NIN: variants seen among roughly 807,000 people sequenced by gnomAD.
The protein encoded by NIN is ninein, also known as glycogen synthase kinase 3 beta-interacting protein.
In NIN, 137 loss-of-function variants were observed where a neutral mutation model predicts 257.6. The ratio of observed to expected loss-of-function variants is 0.53; its 90% confidence interval spans 0.46 to 0.61. The LOEUF is 0.61. NIN is among the 20% of genes least tolerant of loss of function. The probability of loss-of-function intolerance (pLI) is 0.00; values close to 1 mark genes in which losing one functional copy is unlikely to be tolerated. For synonymous variants in NIN, 918 were observed against 919.8 expected (o/e 1.00, Z 0.04); for missense variants, 2,439 against 2,501.2 (o/e 0.98, Z 0.53).
At position 50,731,913 on chromosome 14, in the gene NIN, G is replaced by A. The variant is rs575688728; in HGVS notation, c.5878-2190C>T. Among the ~76,000 whole-genome samples the A allele has an allele frequency of 5.9e-5, 9 of 152,342 alleles. No individual in the cohort carries two copies. In the South Asian group the frequency reaches 1.9e-3, roughly 32 times the overall value. ...TTGCCACTTGGAGACGCAGAATGCAGTATAAACTATAAGCCATTTTGTTGT... is the reference window on the plus strand; with the variant it reads ...TTGCCACTTGGAGACGCAGAATGCAATATAAACTATAAGCCATTTTGTTGT... On this transcript the variant is annotated intron_variant, in intron 28 of 30. Coordinates refer to ENST00000530997, the MANE Select transcript of NIN (RefSeq NM_020921.4).
At chr14:50,770,583 C>G (rs748846142) in intron 11 of NIN, 21 bp from the exon 12 acceptor site, 2 of 1,611,346 alleles carry the variant, frequency 1.2e-6, no homozygotes, top group East Asian at 4.5e-5. Context: ...GAAAAATGGA[C>G]AAGCTGCCAT....
chr14:50,747,733 T>C (rs984959284), intron 22 of NIN, among the ~76,000 whole-genome samples: 1 of 123,404 alleles, frequency 8.1e-6, no homozygotes, highest in Non-Finnish European at 1.7e-5. Context: ...AGAAGGAAAC[T>C]GTCTTAAAAA....
At chr14:50,737,991 G>T in intron 27 of NIN, 149 bp downstream of exon 27, 1 of 780,104 alleles carries the variant, frequency 1.3e-6, no homozygotes, top group Non-Finnish European at 2.0e-6. Context: ...GAACCACGAT[G>T]CTATTTTGAC....
intron 21 of NIN, 24 bp downstream of exon 21, chr14:50,752,494 C>G: frequency 6.5e-7 from 1 of 1,545,232 alleles, no homozygotes; most frequent in Non-Finnish European, 8.8e-7. Flanking sequence ...TCAAAAAAAG[C>G]TGTCAGGTGG....
chr14:50,741,209 TGTTTTA>T (rs1367724769), intron 25 of NIN, among the ~76,000 whole-genome samples: 1 of 152,236 alleles, frequency 6.6e-6, no homozygotes, highest in Non-Finnish European at 1.5e-5. Flanking sequence ...TTTAAGAAAA[TGTTTTA>T]GTTTTGTTAT....
At chr14:50,818,721 G>T (rs1260378155) in intron 3 of NIN, among the ~76,000 whole-genome samples, 1 of 152,074 alleles carries the variant, frequency 6.6e-6, no homozygotes, top group African/African-American at 2.4e-5. Context: ...CAAGCTTTAC[G>T]CATTTCAAAC....
Position 50,761,847 on chromosome 14 carries a change from C to T in NIN, c.1839G>A (p.Gln613=). ...TGTCCCTGTGATGTTGTTCTTTCAT[C>T]TGTTCAATGACCAGCTCTGCCTCAA... ...MSIEAELVIE[Q]MKEQHHRDIC... The change falls in exon 16 of 31, where the codon CAG becomes CAA. Residue 613 remains glutamine, a synonymous_variant. Transcript: ENST00000530997. 2 of 1,614,194 alleles carry T rather than the reference C, an allele frequency of 1.2e-6. No individual in the cohort carries two copies. The highest frequency in any genetic ancestry group is 1.7e-6 in the Non-Finnish European group (2 of 1,180,008).
intron 2 of NIN, among the ~76,000 whole-genome samples, chr14:50,827,170 C>CT (rs1303568681): frequency 1.3e-5 from 2 of 152,204 alleles, no homozygotes; most frequent in African/African-American, 4.8e-5. Flanking sequence ...TATTGGACTA[C>CT]TTTCAGTATA....
intron 3 of NIN, among the ~76,000 whole-genome samples, chr14:50,811,356 G>A (rs373938832): frequency 1.8e-4 from 28 of 151,604 alleles, no homozygotes; most frequent in East Asian, 1.6e-3. Context: ...TGAGCCACCC[G>A]TCACGGCCTC....
At chr14:50,811,054 A>G (rs1236508916) in intron 3 of NIN, among the ~76,000 whole-genome samples, 1 of 151,994 alleles carries the variant, frequency 6.6e-6, no homozygotes, top group East Asian at 1.9e-4. Flanking sequence ...GTGTTGGGGC[A>G]TGTATCCATG....
intron 3 of NIN, among the ~76,000 whole-genome samples, chr14:50,811,790 C>T (rs142293484): frequency 2.6e-5 from 4 of 151,814 alleles, no homozygotes; most frequent in Non-Finnish European, 5.9e-5. Context: ...GTCAGGAGAT[C>T]GAGACCATCC....
intron 28 of NIN, 113 bp from the exon 29 acceptor site, chr14:50,729,836 C>T: frequency 2.6e-6 from 2 of 759,214 alleles, no homozygotes; most frequent in Non-Finnish European, 4.0e-6. Context: ...TAACCCCAGA[C>T]CCACTGAAAC....
At chr14:50,802,113 G>T (rs528135225) in intron 4 of NIN, among the ~76,000 whole-genome samples, 1 of 152,222 alleles carries the variant, frequency 6.6e-6, no homozygotes, top group Admixed American at 6.5e-5. Flanking sequence ...TAATTAAGTT[G>T]TTGCCCCTCT....
intron 3 of NIN, among the ~76,000 whole-genome samples, chr14:50,818,855 A>C (rs1219611960): frequency 6.6e-6 from 1 of 151,770 alleles, no homozygotes; most frequent in Non-Finnish European, 1.5e-5. Flanking sequence ...TGGCAAGTTG[A>C]TTTAAGTTAC....
intron 7 of NIN, among the ~76,000 whole-genome samples, chr14:50,775,619 C>A (rs907319872): frequency 5.9e-5 from 9 of 152,186 alleles, no homozygotes; most frequent in Non-Finnish European, 1.3e-4. Context: ...CAATCCTCTA[C>A]TTGTCCTCAG....
chr14:50,755,681 AAGAG>A (rs2041995379), intron 18 of NIN, among the ~76,000 whole-genome samples: 1 of 116,894 alleles, frequency 8.6e-6, no homozygotes, highest in Non-Finnish European at 1.7e-5. Flanking sequence ...TTTTTTTTAA[AAGAG>A]ACAGGGTCTC....
intron 3 of NIN, among the ~76,000 whole-genome samples, chr14:50,818,051 C>T (rs950936759): frequency 2.0e-5 from 3 of 151,254 alleles, no homozygotes; most frequent in African/African-American, 7.3e-5. Context: ...TGGCCGGGCA[C>T]GATGGCTCAC....
In NIN at chr14:50,754,884, G is replaced by A. The variant is rs1595778103; in HGVS notation, c.4539-17C>T. On this transcript the variant is annotated splice_polypyrimidine_tract_variant and intron_variant, in intron 18 of 30. Coordinates refer to ENST00000530997, the MANE Select transcript of NIN (RefSeq NM_020921.4). ...GATTCATATCTGAAGCACAGAGATT[G>A]AAAAAAATTGTTACAAGGCAGTCAT... 1 of 1,526,956 alleles carries A rather than the reference G, an allele frequency of 6.5e-7. No individual in the cohort carries two copies. Among genetic ancestry groups the A allele is most frequent in the Non-Finnish European group, 8.8e-7 (1 of 1,138,302 alleles). 94.6% of individuals were successfully genotyped at this position (1,526,956 alleles called of 1,614,324 possible).
intron 3 of NIN, among the ~76,000 whole-genome samples, chr14:50,814,566 C>T (rs183308124): frequency 6.6e-6 from 1 of 152,082 alleles, no homozygotes. Context: ...TAAAAAGTGG[C>T]AAGAGCTGAA....
Sources: allele counts gnomAD v4.1 joint callset (sites outside exome capture counted in the v4.1 genomes callset), GRCh38; gene constraint gnomAD v4.1.1; transcripts MANE v1.5; gene names NCBI Gene and HGNC (gene_info 2026-07-23, HGNC 2026-07-21).